GLRA2: variants seen among roughly 807,000 people sequenced by gnomAD.
GLRA2 encodes the protein glycine receptor subunit alpha-2.
GLRA2 carries 11 observed loss-of-function variants against 31.6 expected under a neutral mutation model. That is an observed-to-expected ratio of 0.35 (90% confidence interval 0.22 to 0.58). The LOEUF (loss-of-function observed/expected upper bound fraction) is 0.58, where lower values mean the gene tolerates loss of function less well. Among genes scored for constraint, GLRA2 ranks in the 20% least tolerant of loss-of-function variants. The pLI is 0.84. For synonymous variants in GLRA2, 132 were observed against 134.0 expected (o/e 0.99, Z 0.10); for missense variants, 212 against 351.8 (o/e 0.60, Z 3.18).
chrX:14,529,975 T>G lies in GLRA2; in HGVS notation c.-83T>G, dbSNP rs1470866400. 1 of 743,815 alleles carries G rather than the reference T, an allele frequency of 1.3e-6. No homozygotes were observed. Among genetic ancestry groups the G allele is most frequent in the African/African-American group, 2.1e-5 (1 of 48,094 alleles). The allele number at this position is 743,815 out of a possible 1,213,427, so 61.3% of individuals were successfully genotyped here. On this transcript the variant is annotated 5_prime_UTR_variant, in exon 1 of 9. Coordinates refer to ENST00000218075, the MANE Select transcript of GLRA2 (RefSeq NM_002063.4). ...AACTAGGTTCCTGCCAAATTTTGAA[T>G]CTGGACAATAAACAGACACTTTGTC...
intron 7 of GLRA2, among the ~76,000 whole-genome samples, chrX:14,663,544 A>G (rs1376713588): frequency 9.0e-6 from 1 of 110,797 alleles, no homozygotes; most frequent in Non-Finnish European, 1.9e-5. Context: ...CACACACAAA[A>G]TAACTGAAGA....
intron 3 of GLRA2, among the ~76,000 whole-genome samples, chrX:14,577,820 C>T (rs1332512213): frequency 9.0e-6 from 1 of 111,710 alleles, no homozygotes; most frequent in Non-Finnish European, 1.9e-5. Context: ...AGTGTCATCA[C>T]AGCCCAAGCT....
At chrX:14,557,177 G>GCGATCT (rs1031307980) in intron 2 of GLRA2, among the ~76,000 whole-genome samples, 2 of 85,471 alleles carry the variant, frequency 2.3e-5, no homozygotes, top group African/African-American at 9.1e-5. Flanking sequence ...GTGCAGTGGC[G>GCGATCT]CGATCTCGGC....
In GLRA2 at chrX:14,581,319, A is replaced by G. The variant is rs1276905604; in HGVS notation, c.407A>G (p.Asn136Ser). The G allele has an allele frequency of 1.7e-6, 2 of 1,203,535 alleles. No individual in the cohort carries two copies. The highest frequency in any genetic ancestry group is 1.8e-5 in the South Asian group (1 of 56,639). Residue 136 changes from asparagine to serine, a missense_variant, in exon 4 of 9, where the codon AAT becomes AGT. Around this residue, in one of 5 missense-constraint regions of GLRA2, gnomAD observed 110 missense variants for 232.6 expected, o/e 0.47. Transcript: ENST00000218075. ...SIWKPDLFFA[N>S]EKGANFHDVT... ...TGGAAACCAGATTTGTTCTTTGCCA[A>G]TGAGAAGGGTGCCAACTTCCACGAT...
chrX:14,451,622 C>T, the GLRA2 span, among the ~76,000 whole-genome samples: 1 of 78,290 alleles, frequency 1.3e-5, no homozygotes, highest in Admixed American at 1.9e-4. Flanking sequence ...CCAGCCAGGA[C>T]AACAGAGTGA....
At chrX:14,607,334 A>C in intron 6 of GLRA2, 66 bp downstream of exon 6, 1 of 870,397 alleles carries the variant, frequency 1.1e-6, no homozygotes. Flanking sequence ...AGTTTGGAGT[A>C]TACATCTCAT....
chrX:14,468,950 G>A, the GLRA2 span, among the ~76,000 whole-genome samples: 1 of 110,802 alleles, frequency 9.0e-6, no homozygotes, highest in African/African-American at 3.3e-5. Flanking sequence ...TTTTTTGGCT[G>A]CATAAATGTC....
intron 7 of GLRA2, among the ~76,000 whole-genome samples, chrX:14,632,381 GA>G (rs2090660884): frequency 1.8e-5 from 2 of 111,132 alleles, no homozygotes; most frequent in African/African-American, 6.5e-5. Context: ...TGACAATGTA[GA>G]TAATTGAAAT....
At chrX:14,505,466 C>T in the GLRA2 span, among the ~76,000 whole-genome samples, 1 of 111,374 alleles carries the variant, frequency 9.0e-6, no homozygotes, top group African/African-American at 3.3e-5. Flanking sequence ...CAAGACTGAA[C>T]ATTTTCTGAG....
At chrX:14,690,938 A>G in intron 8 of GLRA2, 79 bp downstream of exon 8, 4 of 1,034,281 alleles carry the variant, frequency 3.9e-6, no homozygotes, top group Non-Finnish European at 5.4e-6. Context: ...ACAGAAGAGC[A>G]CACAATAAGC....
At chrX:14,593,285 A>G (rs1321573362) in intron 4 of GLRA2, among the ~76,000 whole-genome samples, 1 of 112,219 alleles carries the variant, frequency 8.9e-6, no homozygotes, top group Non-Finnish European at 1.9e-5. Context: ...TTAAAATTAC[A>G]AACCAACATC....
the GLRA2 span, among the ~76,000 whole-genome samples, chrX:14,481,928 TGAAA>T: frequency 3.6e-5 from 4 of 111,051 alleles, no homozygotes. Flanking sequence ...TTTAGAAAGT[TGAAA>T]GAAAAGAAAA....
intron 7 of GLRA2, among the ~76,000 whole-genome samples, chrX:14,688,803 C>T (rs1331444098): frequency 9.0e-6 from 1 of 110,556 alleles, no homozygotes; most frequent in African/African-American, 3.3e-5. Context: ...GCTGCACCCA[C>T]TGTCCTGCCC....
intron 3 of GLRA2, among the ~76,000 whole-genome samples, chrX:14,577,567 A>G (rs969786842): frequency 8.9e-6 from 1 of 112,094 alleles, no homozygotes; most frequent in African/African-American, 3.2e-5. Context: ...TCAGGGTACT[A>G]GCATGGTCAG....
chrX:14,473,308 C>T, the GLRA2 span, among the ~76,000 whole-genome samples: 2 of 111,747 alleles, frequency 1.8e-5, no homozygotes, highest in African/African-American at 6.5e-5. Flanking sequence ...AAAACCAAGT[C>T]ACCCTCTAAC....
the GLRA2 span, among the ~76,000 whole-genome samples, chrX:14,466,314 T>G: frequency 9.0e-6 from 1 of 111,252 alleles, no homozygotes. Flanking sequence ...CTAAATCTGT[T>G]GTCTAAGATA....
At chrX:14,543,200 C>A (rs1023431017) in intron 2 of GLRA2, among the ~76,000 whole-genome samples, 8 of 96,340 alleles carry the variant, frequency 8.3e-5, no homozygotes, top group Non-Finnish European at 1.4e-4. Flanking sequence ...CTGGAGCATG[C>A]CACTTAACCT....
Position 14,606,015 on chromosome X carries a change from A to T in GLRA2, c.578-1116A>T, listed in dbSNP as rs1477110650. The stretch of plus-strand genomic sequence containing the variant: ...TCTCCTTGCTTTCCATGTTCTTATT[A>T]TTTTTTTTTTTTTGGCTTTATGTTG... On this transcript the variant is annotated intron_variant, in intron 5 of 8. Transcript: ENST00000218075. Among the ~76,000 whole-genome samples the T allele has an allele frequency of 2.0e-4, 20 of 101,092 alleles. 1 individual carries two copies. The South Asian group carries it at 6.7e-3, about 34-fold the overall frequency. The allele number at this position is 101,092 out of a possible 115,157, so 87.8% of individuals were successfully genotyped here.
the GLRA2 span, among the ~76,000 whole-genome samples, chrX:14,475,741 A>T: frequency 6.7e-4 from 75 of 111,637 alleles, no homozygotes; most frequent in African/African-American, 2.1e-3. Flanking sequence ...TGACTTAAAA[A>T]TGATTTTGAG....
Sources: allele counts gnomAD v4.1 joint callset (sites outside exome capture counted in the v4.1 genomes callset), GRCh38; gene constraint gnomAD v4.1.1; regional missense constraint gnomAD v4.1.1; transcripts MANE v1.5; gene names NCBI Gene and HGNC (gene_info 2026-07-23, HGNC 2026-07-21).